BTBD9: variants seen among roughly 807,000 people sequenced by gnomAD.
The protein encoded by BTBD9 is BTB domain containing 9, also known as BTB/POZ domain-containing protein 9.
A neutral mutation model predicts 64.3 loss-of-function variants in BTBD9; 49 were observed. That is an observed-to-expected ratio of 0.76 (90% CI 0.61 to 0.97). BTBD9 has a LOEUF of 0.97. BTBD9 is among the 50% of genes least tolerant of loss of function. The probability of loss-of-function intolerance (pLI) is 0.00; values close to 1 mark genes in which losing one functional copy is unlikely to be tolerated. For missense variants in BTBD9, 598 were observed against 762.1 expected (o/e 0.78, Z 2.53); for synonymous variants, 260 against 274.7 (o/e 0.95, Z 0.53).
At chr6:38,354,166 CAG>C (rs901786374) in intron 6 of BTBD9, among the ~76,000 whole-genome samples, 7 of 152,072 alleles carry the variant, frequency 4.6e-5, no homozygotes, top group Non-Finnish European at 1.0e-4. Flanking sequence ...GCTTAAAAAA[CAG>C]AAGTGAAAAC....
intron 9 of BTBD9, among the ~76,000 whole-genome samples, chr6:38,254,386 C>T (rs1764503850): frequency 6.6e-6 from 1 of 151,800 alleles, no homozygotes; most frequent in Non-Finnish European, 1.5e-5. Context: ...TCAAACAAGC[C>T]ATCATTAATA....
At chr6:38,635,205 G>A (rs868486253) in intron 1 of BTBD9, among the ~76,000 whole-genome samples, 1 of 151,510 alleles carries the variant, frequency 6.6e-6, no homozygotes, top group Non-Finnish European at 1.5e-5. Context: ...GCCTAATCTC[G>A]GCTCACTGCA....
intron 3 of BTBD9, 85 bp from the exon 4 acceptor site, chr6:38,592,925 T>A: frequency 7.2e-7 from 1 of 1,392,024 alleles, no homozygotes; most frequent in Non-Finnish European, 9.8e-7. Flanking sequence ...AGGACAAGTA[T>A]AACTTAGCCA....
intron 7 of BTBD9, among the ~76,000 whole-genome samples, chr6:38,324,854 A>G (rs2127577900): frequency 6.6e-6 from 1 of 152,306 alleles, no homozygotes; most frequent in East Asian, 1.9e-4. Flanking sequence ...ACACAAGGAA[A>G]TTCATTGCAG....
At chr6:38,600,733 C>T (rs145090473) in intron 1 of BTBD9, among the ~76,000 whole-genome samples, 124 of 152,096 alleles carry the variant, frequency 8.2e-4, no homozygotes, top group African/African-American at 2.8e-3. Context: ...TGATGAACAA[C>T]GATTGATTTT....
chr6:38,440,273 G>A (rs1768968094), intron 6 of BTBD9, among the ~76,000 whole-genome samples: 1 of 152,194 alleles, frequency 6.6e-6, no homozygotes, highest in African/African-American at 2.4e-5. Context: ...TGGAGGAGAA[G>A]GAGGAACCGG....
intron 6 of BTBD9, among the ~76,000 whole-genome samples, chr6:38,442,258 C>T (rs913218179): frequency 6.6e-6 from 1 of 151,986 alleles, no homozygotes; most frequent in Admixed American, 6.6e-5. Context: ...GAGGCCGAGG[C>T]GGGCAGGTCA....
chr6:38,503,359 C>G (rs988430529), intron 6 of BTBD9, among the ~76,000 whole-genome samples: 2 of 152,120 alleles, frequency 1.3e-5, no homozygotes, highest in Non-Finnish European at 2.9e-5. Context: ...TCCACCAAGA[C>G]TTTACAGCCC....
At chr6:38,337,612 T>C (rs1763942995) in intron 7 of BTBD9, among the ~76,000 whole-genome samples, 1 of 152,260 alleles carries the variant, frequency 6.6e-6, no homozygotes, top group African/African-American at 2.4e-5. Flanking sequence ...CACACCTGTT[T>C]ATGCCTTTGT....
chr6:38,627,393 G>A (rs926828976), intron 1 of BTBD9, among the ~76,000 whole-genome samples: 10 of 152,174 alleles, frequency 6.6e-5, no homozygotes, highest in Non-Finnish European at 1.2e-4. Context: ...TGAGAGAAAA[G>A]CAAGATGCAG....
chr6:38,562,877 A>G (rs1215729524), intron 6 of BTBD9, among the ~76,000 whole-genome samples: 1 of 152,174 alleles, frequency 6.6e-6, no homozygotes, highest in Non-Finnish European at 1.5e-5. Context: ...TAATTTTATT[A>G]TAAAGTATAC....
chr6:38,603,844 G>A (rs575255641), intron 1 of BTBD9, among the ~76,000 whole-genome samples: 147 of 152,272 alleles, frequency 9.7e-4, no homozygotes, highest in Non-Finnish European at 1.7e-3. Context: ...CAAGCATATG[G>A]TTTAGCAATT....
At position 38,252,409 on chromosome 6, in the gene BTBD9, T is replaced by C. The variant is rs575466446; in HGVS notation, c.1562+4000A>G. Among the ~76,000 whole-genome samples, 15 of 152,336 alleles carry C rather than the reference T, an allele frequency of 9.8e-5. No individual in the cohort carries two copies. In the East Asian group the frequency reaches 2.1e-3, roughly 22 times the overall value. On this transcript the variant is annotated intron_variant, in intron 9 of 10. Coordinates refer to ENST00000481247, the MANE Select transcript of BTBD9 (RefSeq NM_001099272.2). The stretch of plus-strand genomic sequence containing the variant: ...TTTTATCATTTACATATCTTCTATA[T>C]TTCTTAAGACCTAACTTTAAAAAGG...
chr6:38,225,816 AAC>A (rs201149607), intron 9 of BTBD9, among the ~76,000 whole-genome samples: 7 of 152,150 alleles, frequency 4.6e-5, no homozygotes, highest in African/African-American at 1.4e-4. Flanking sequence ...ATCTAGTCAG[AAC>A]GACCTAATGA....
In BTBD9 at chr6:38,469,977, CT is replaced by C. The variant is rs367954691; in HGVS notation, c.1154+107622del. 4.2e-3 allele frequency among the ~76,000 whole-genome samples: 632 copies of C among 152,274 alleles called. 2 individuals carry two copies. Among genetic ancestry groups the C allele is most frequent in the African/African-American group, 0.015 (608 of 41,552 alleles). On this transcript the variant is annotated intron_variant, in intron 6 of 10. Transcript: ENST00000481247. ...AAAATTTTATCACTGTCAGAAAATA[CT>C]GTAAAATACTTCCTCAGAAAACAAA...
intron 9 of BTBD9, among the ~76,000 whole-genome samples, chr6:38,255,522 C>G (rs913648822): frequency 1.3e-5 from 2 of 152,200 alleles, no homozygotes; most frequent in African/African-American, 4.8e-5. Flanking sequence ...AGGTACTGAT[C>G]TCTTTTCATG....
At chr6:38,182,801 C>G (rs1486620382) in intron 10 of BTBD9, among the ~76,000 whole-genome samples, 1 of 152,214 alleles carries the variant, frequency 6.6e-6, no homozygotes, top group Admixed American at 6.5e-5. Flanking sequence ...TCTGGGGTCA[C>G]TTTCTCCCAG....
intron 6 of BTBD9, among the ~76,000 whole-genome samples, chr6:38,470,956 G>A (rs1770622584): frequency 2.0e-5 from 3 of 152,150 alleles, no homozygotes; most frequent in Non-Finnish European, 4.4e-5. Flanking sequence ...AATTAGAAAA[G>A]AGCAGTTTTC....
At chr6:38,385,095 T>C (rs1451399351) in intron 6 of BTBD9, among the ~76,000 whole-genome samples, 2 of 150,716 alleles carry the variant, frequency 1.3e-5, no homozygotes, top group East Asian at 3.9e-4. Flanking sequence ...TACAGAAATA[T>C]GAACAAGGTA....
Sources: gnomAD v4.1 joint callset for allele counts (sites outside exome capture counted in the v4.1 genomes callset) on GRCh38, gnomAD v4.1.1 for gene constraint, MANE v1.5 for transcripts, NCBI Gene and HGNC (gene_info 2026-07-23, HGNC 2026-07-21) for gene names.